Variants in EYS observed in about 807,000 individuals in gnomAD.
EYS encodes the protein protein eyes shut homolog.
In EYS, 250 loss-of-function variants were observed where a neutral mutation model predicts 282.1. The ratio of observed to expected loss-of-function variants is 0.89; its 90% confidence interval spans 0.80 to 0.98. EYS has a LOEUF of 0.98. Ranked by LOEUF, EYS falls within the 50% of genes least tolerant of loss-of-function variation. EYS has a pLI of 0.00. For missense variants in EYS, 4,016 were observed against 3,709.0 expected, an observed-to-expected ratio of 1.08 and a Z score of -2.15; for synonymous variants, 1,355 against 1,282.9, an observed-to-expected ratio of 1.06 and a Z score of -1.20.
intron 19 of EYS, among the ~76,000 whole-genome samples, chr6:64,847,664 T>A (rs1229131895): frequency 6.6e-6 from 1 of 152,074 alleles, no homozygotes; most frequent in Non-Finnish European, 1.5e-5. Flanking sequence ...GTCAGCAATA[T>A]CCTTTTTGGA....
At chr6:64,714,866 G>A (rs1027610342) in intron 22 of EYS, among the ~76,000 whole-genome samples, 5 of 152,116 alleles carry the variant, frequency 3.3e-5, no homozygotes, top group Admixed American at 6.5e-5. Context: ...ATAGGCTGAT[G>A]AGACCACCCC....
chr6:65,010,533 T>C (rs1448895641), intron 13 of EYS, among the ~76,000 whole-genome samples: 1 of 152,150 alleles, frequency 6.6e-6, no homozygotes, highest in East Asian at 1.9e-4. Context: ...TGAGGGGACA[T>C]TTTAGAGGTT....
At chr6:64,845,024 C>T (rs1048081635) in intron 19 of EYS, among the ~76,000 whole-genome samples, 1 of 152,154 alleles carries the variant, frequency 6.6e-6, no homozygotes, top group Non-Finnish European at 1.5e-5. Context: ...TGTGGTGGCT[C>T]ACACCTATAA....
intron 12 of EYS, 80 bp from the exon 13 acceptor site, chr6:65,057,807 G>T: frequency 5.2e-6 from 5 of 968,410 alleles, no homozygotes; most frequent in Non-Finnish European, 8.1e-6. Flanking sequence ...ATTTGCACAA[G>T]CCTTTAATCC....
intron 29 of EYS, among the ~76,000 whole-genome samples, chr6:64,387,480 T>C (rs1772951540): frequency 6.6e-6 from 1 of 152,156 alleles, no homozygotes; most frequent in Admixed American, 6.5e-5. Flanking sequence ...AGTATAGTTA[T>C]GAAATAAGAG....
chr6:64,902,825 G>A (rs1235842959), intron 16 of EYS, among the ~76,000 whole-genome samples: 2 of 152,092 alleles, frequency 1.3e-5, no homozygotes, highest in South Asian at 4.1e-4. Context: ...GATCTGGAAA[G>A]CAAATGAATT....
intron 30 of EYS, among the ~76,000 whole-genome samples, chr6:64,293,330 C>G (rs1187619776): frequency 6.6e-6 from 1 of 152,046 alleles, no homozygotes; most frequent in Non-Finnish European, 1.5e-5. Context: ...AACTTACTCC[C>G]TTTTGAAAAG....
At position 64,049,734 on chromosome 6, in the gene EYS, G is replaced by C. The variant is rs77586671; in HGVS notation, c.6725+16604C>G. Among the ~76,000 whole-genome samples, 440 of 152,284 alleles carry C rather than the reference G, an allele frequency of 2.9e-3. 2 individuals are homozygous for C. Among genetic ancestry groups the C allele is most frequent in the African/African-American group, 0.01 (422 of 41,564 alleles). On this transcript the variant is annotated intron_variant, in intron 33 of 42. Coordinates refer to ENST00000503581, the MANE Select transcript of EYS (RefSeq NM_001142800.2). ...AAAGTCTAAGGAGGCACTTGGCGGA[G>C]AAACTAGACAGGGCACCATCTGATT...
intron 14 of EYS, among the ~76,000 whole-genome samples, chr6:64,964,219 T>A (rs1165919510): frequency 6.6e-6 from 1 of 152,120 alleles, no homozygotes; most frequent in Non-Finnish European, 1.5e-5. Context: ...TCTCGATATG[T>A]ATTCATGTAA....
intron 1 of EYS, among the ~76,000 whole-genome samples, chr6:65,694,393 T>A (rs1403558641): frequency 6.7e-6 from 1 of 148,978 alleles, no homozygotes; most frequent in African/African-American, 2.4e-5. Context: ...TTCTTCATAT[T>A]TTTTTTTTGT....
intron 29 of EYS, among the ~76,000 whole-genome samples, chr6:64,367,269 C>G (rs754624585): frequency 6.6e-6 from 1 of 151,936 alleles, no homozygotes; most frequent in Non-Finnish European, 1.5e-5. Context: ...GGACACTGAT[C>G]CAAGCCCAAA....
At chr6:64,487,420 A>T (rs1776608425) in intron 26 of EYS, among the ~76,000 whole-genome samples, 1 of 151,046 alleles carries the variant, frequency 6.6e-6, no homozygotes, top group South Asian at 2.1e-4. Flanking sequence ...GAAAACTAAA[A>T]CCATATCTAA....
intron 15 of EYS, among the ~76,000 whole-genome samples, chr6:64,933,870 AC>A (rs1768813076): frequency 6.6e-6 from 1 of 152,092 alleles, no homozygotes; most frequent in African/African-American, 2.4e-5. Flanking sequence ...TTATCAGCAA[AC>A]CAACACAGGA....
intron 1 of EYS, among the ~76,000 whole-genome samples, chr6:65,678,406 C>T (rs1768701688): frequency 6.6e-6 from 1 of 151,834 alleles, no homozygotes; most frequent in South Asian, 2.1e-4. Context: ...TATTCAGATG[C>T]AATAGAATAA....
chr6:63,955,909 T>C (rs1387140706), intron 35 of EYS, among the ~76,000 whole-genome samples: 2 of 152,086 alleles, frequency 1.3e-5, no homozygotes, highest in Non-Finnish European at 2.9e-5. Flanking sequence ...TATAAAACCA[T>C]ATCCAGGTCA....
intron 12 of EYS, among the ~76,000 whole-genome samples, chr6:65,114,450 CT>C (rs1269245096): frequency 4.0e-5 from 5 of 124,840 alleles, no homozygotes; most frequent in African/African-American, 6.5e-5. Flanking sequence ...TTTGGGTAAT[CT>C]TTCCAAACTA....
At chr6:64,506,582 A>T (rs1777212318) in intron 26 of EYS, among the ~76,000 whole-genome samples, 2 of 152,164 alleles carry the variant, frequency 1.3e-5, no homozygotes, top group African/African-American at 4.8e-5. Flanking sequence ...GGATCAGTTC[A>T]AAGTAGCTTT....
chr6:64,587,284 T>G (rs1401042428), intron 26 of EYS, among the ~76,000 whole-genome samples: 1 of 152,030 alleles, frequency 6.6e-6, no homozygotes, highest in African/African-American at 2.4e-5. Context: ...TTTTCTATTA[T>G]GGAAATACCA....
intron 32 of EYS, among the ~76,000 whole-genome samples, 163 bp from the exon 33 acceptor site, chr6:64,066,654 A>G (rs1189485108): frequency 1.3e-5 from 2 of 152,196 alleles, no homozygotes; most frequent in African/African-American, 2.4e-5. Flanking sequence ...TTAGAAACGT[A>G]CATTATTGTC....
Sources: gnomAD v4.1 joint callset for allele counts (sites outside exome capture counted in the v4.1 genomes callset) on GRCh38, gnomAD v4.1.1 for gene constraint, MANE v1.5 for transcripts, NCBI Gene and HGNC (gene_info 2026-07-23, HGNC 2026-07-21) for gene names.